Variants in HS6ST3 observed in about 807,000 individuals in gnomAD.
HS6ST3 encodes the protein heparan sulfate 6-O-sulfotransferase 3, also known as heparan-sulfate 6-O-sulfotransferase 3.
In HS6ST3, 12 loss-of-function variants were observed where a neutral mutation model predicts 36.7. The observed-to-expected ratio is 0.33, with a 90% confidence interval of 0.21 to 0.53. HS6ST3 has a LOEUF of 0.53. HS6ST3 is among the 20% of genes least tolerant of loss of function. The probability of loss-of-function intolerance (pLI) is 0.95; values close to 1 mark genes in which losing one functional copy is unlikely to be tolerated. For missense variants in HS6ST3, 584 were observed against 640.9 expected (o/e 0.91, Z 0.96); for synonymous variants, 240 against 257.5 (o/e 0.93, Z 0.65).
chr13:96,452,930 T>C (rs1375838650), intron 1 of HS6ST3, among the ~76,000 whole-genome samples: 1 of 152,128 alleles, frequency 6.6e-6, no homozygotes, highest in African/African-American at 2.4e-5. Flanking sequence ...TGCCATAGTT[T>C]TATGGATGCT....
chr13:96,533,308 T>A (rs2056142981), intron 1 of HS6ST3, among the ~76,000 whole-genome samples: 1 of 152,190 alleles, frequency 6.6e-6, no homozygotes. Context: ...CACATTTATT[T>A]ACTTAAAAAC....
At chr13:96,594,814 C>G (rs1392509485) in intron 1 of HS6ST3, among the ~76,000 whole-genome samples, 4 of 152,074 alleles carry the variant, frequency 2.6e-5, no homozygotes, top group Non-Finnish European at 1.5e-5. Context: ...TTACTTTTAC[C>G]AGTAAGTTTT....
chr13:96,090,836 T>C lies in HS6ST3; in HGVS notation c.-27T>C, dbSNP rs1162267398. ...GCCCTGCCGCCGCCGCCGCCGCCGC[T>C]TCGCCTGCCGGCCTGAGAGCGGGAC... On this transcript the variant is annotated 5_prime_UTR_variant, in exon 1 of 2. Coordinates refer to ENST00000376705, the MANE Select transcript of HS6ST3 (RefSeq NM_153456.4). 23 of 1,468,026 alleles carry C rather than the reference T, an allele frequency of 1.6e-5. No homozygotes were observed. Among genetic ancestry groups the C allele is most frequent in the Non-Finnish European group, 1.8e-5 (20 of 1,104,048 alleles). 90.9% of individuals were successfully genotyped at this position (1,468,026 alleles called of 1,614,324 possible). A position where few individuals can be genotyped will look rare whatever the true frequency, so the allele number is the denominator to read the frequency against.
chr13:96,159,245 T>A (rs994503438), intron 1 of HS6ST3, among the ~76,000 whole-genome samples: 1 of 152,152 alleles, frequency 6.6e-6, no homozygotes, highest in African/African-American at 2.4e-5. Context: ...TCAATGAAGG[T>A]GAAAAGGAGG....
intron 1 of HS6ST3, among the ~76,000 whole-genome samples, chr13:96,360,947 A>ACCC (rs1566337532): frequency 5.0e-5 from 7 of 139,824 alleles, no homozygotes; most frequent in African/African-American, 8.0e-5. Flanking sequence ...CCCTGTCCCA[A>ACCC]AAAAAAAAAA....
intron 1 of HS6ST3, among the ~76,000 whole-genome samples, chr13:96,708,346 A>G (rs780870532): frequency 3.3e-5 from 5 of 152,226 alleles, no homozygotes; most frequent in Non-Finnish European, 2.9e-5. Context: ...AGAGCATATA[A>G]GATGGAATTC....
At chr13:96,430,978 G>A (rs985408930) in intron 1 of HS6ST3, among the ~76,000 whole-genome samples, 4 of 152,138 alleles carry the variant, frequency 2.6e-5, no homozygotes, top group African/African-American at 4.8e-5. Context: ...TGGGGCCAAG[G>A]TGCGGGATTC....
intron 1 of HS6ST3, among the ~76,000 whole-genome samples, chr13:96,562,074 A>G (rs2056264327): frequency 6.6e-6 from 1 of 152,248 alleles, no homozygotes; most frequent in South Asian, 2.1e-4. Context: ...GCACATATGC[A>G]TGAGTATGTT....
chr13:96,809,033 C>A (rs534085353), intron 1 of HS6ST3, among the ~76,000 whole-genome samples: 1 of 152,222 alleles, frequency 6.6e-6, no homozygotes, highest in African/African-American at 2.4e-5. Context: ...CAAAGCAAAA[C>A]AAAATACATG....
intron 1 of HS6ST3, among the ~76,000 whole-genome samples, chr13:96,666,278 A>T (rs765404976): frequency 6.6e-6 from 1 of 152,156 alleles, no homozygotes; most frequent in South Asian, 2.1e-4. Context: ...ACCTTCCACC[A>T]GGTCCCTCTG....
intron 1 of HS6ST3, among the ~76,000 whole-genome samples, chr13:96,496,568 G>T (rs1003071058): frequency 6.6e-6 from 1 of 152,068 alleles, no homozygotes; most frequent in Non-Finnish European, 1.5e-5. Flanking sequence ...TGTGGAAAGA[G>T]ATATGCCTGC....
chr13:96,521,687 C>A (rs941117376), intron 1 of HS6ST3, among the ~76,000 whole-genome samples: 1 of 152,064 alleles, frequency 6.6e-6, no homozygotes, highest in South Asian at 2.1e-4. Flanking sequence ...CCTGTGGGAT[C>A]GGTGGTGATA....
intron 1 of HS6ST3, among the ~76,000 whole-genome samples, chr13:96,195,584 A>C (rs916041750): frequency 6.6e-6 from 1 of 152,150 alleles, no homozygotes; most frequent in African/African-American, 2.4e-5. Context: ...TGATGTAAAC[A>C]TGGCCCTGGG....
At chr13:96,457,816 T>C (rs370456412) in intron 1 of HS6ST3, among the ~76,000 whole-genome samples, 14 of 152,300 alleles carry the variant, frequency 9.2e-5, no homozygotes, top group African/African-American at 3.1e-4. Flanking sequence ...ACTTAAGATA[T>C]AAATTGCATG....
chr13:96,549,786 C>A (rs1470967826), intron 1 of HS6ST3, among the ~76,000 whole-genome samples: 1 of 152,018 alleles, frequency 6.6e-6, no homozygotes, highest in Non-Finnish European at 1.5e-5. Flanking sequence ...CATGCCTGGG[C>A]CCATTCTGTT....
intron 1 of HS6ST3, among the ~76,000 whole-genome samples, chr13:96,694,961 T>C (rs1285682008): frequency 1.3e-5 from 2 of 152,224 alleles, no homozygotes; most frequent in African/African-American, 4.8e-5. Flanking sequence ...GTCAAAACTG[T>C]CTTTAAAAAA....
intron 1 of HS6ST3, among the ~76,000 whole-genome samples, chr13:96,801,136 C>T (rs950018101): frequency 3.9e-5 from 6 of 152,218 alleles, no homozygotes; most frequent in African/African-American, 4.8e-5. Flanking sequence ...CTTCTCTTGG[C>T]TTTTCGGTCA....
intron 1 of HS6ST3, among the ~76,000 whole-genome samples, chr13:96,504,177 T>C (rs956448725): frequency 4.6e-5 from 7 of 152,100 alleles, no homozygotes; most frequent in Middle Eastern, 3.2e-3. Flanking sequence ...GCTACTGTTG[T>C]TCCCGGAGTA....
At chr13:96,491,965 T>C (rs1241287655) in intron 1 of HS6ST3, among the ~76,000 whole-genome samples, 2 of 152,180 alleles carry the variant, frequency 1.3e-5, no homozygotes, top group Non-Finnish European at 2.9e-5. Flanking sequence ...ATTCCACTAC[T>C]TACCCCACTT....
Sources: gnomAD v4.1 joint callset for allele counts (sites outside exome capture counted in the v4.1 genomes callset) on GRCh38, gnomAD v4.1.1 for gene constraint, MANE v1.5 for transcripts, NCBI Gene and HGNC (gene_info 2026-07-23, HGNC 2026-07-21) for gene names.